INAVA: variants seen among roughly 807,000 people sequenced by gnomAD.
The protein encoded by INAVA is innate immunity activator.
Under a neutral mutation model 55.3 loss-of-function variants are expected in INAVA, and 32 were observed. That is an observed-to-expected ratio of 0.58 (90% confidence interval 0.44 to 0.78). The LOEUF (loss-of-function observed/expected upper bound fraction) is 0.78, where lower values mean the gene tolerates loss of function less well. Ranked by LOEUF, INAVA falls within the 30% of genes least tolerant of loss-of-function variation. The pLI is 0.00. For missense variants in INAVA, 756 were observed against 786.4 expected (o/e 0.96, Z 0.46); for synonymous variants, 294 against 329.4 (o/e 0.89, Z 1.16).
At chr1:200,892,138 C>T (rs1668251222), upstream of INAVA, among the ~76,000 whole-genome samples, 1 of 152,188 alleles carries the variant, frequency 6.6e-6, no homozygotes. Flanking sequence ...AACACCTTTC[C>T]TAGTGAGCAG....
intron 6 of INAVA, chr1:200,908,293 G>C (rs925601002): frequency 4.8e-6 from 1 of 207,446 alleles, no homozygotes; most frequent in African/African-American, 2.3e-5. Flanking sequence ...AGAACCCTGT[G>C]TACAAACCAT....
Position 200,901,211 on chromosome 1 carries a change from G to A in INAVA, c.520+52G>A, listed in dbSNP as rs931971607. 6.3e-6 allele frequency: 9 copies of A among 1,430,606 alleles called. No homozygotes were observed. The African/African-American group carries it at 1.3e-4, about 20-fold the overall frequency. The allele number at this position is 1,430,606 out of a possible 1,614,324, so 88.6% of individuals were successfully genotyped here. On this transcript the variant is annotated intron_variant, in intron 5 of 9. Coordinates refer to ENST00000413687, the MANE Select transcript of INAVA (RefSeq NM_001142569.3). ...ATGCTCCTTAAATGAGCTTTTGAGGGATGGTGGGCGCACAGCCCCGTGCCA... is the reference window on the plus strand; with the variant it reads ...ATGCTCCTTAAATGAGCTTTTGAGGAATGGTGGGCGCACAGCCCCGTGCCA...
intron 2 of INAVA, among the ~76,000 whole-genome samples, chr1:200,898,782 G>A (rs1316719778): frequency 6.6e-6 from 1 of 152,240 alleles, no homozygotes; most frequent in Admixed American, 6.5e-5. Flanking sequence ...GCTCATGCCT[G>A]TAATCCCAGC....
chr1:200,907,266 TA>T (rs1182116994), intron 5 of INAVA, among the ~76,000 whole-genome samples: 11 of 152,156 alleles, frequency 7.2e-5, no homozygotes, highest in Non-Finnish European at 1.6e-4. Context: ...TGAAATGGTT[TA>T]TTCAAGGTTG....
chr1:200,892,992 T>G (rs1668265792), upstream of INAVA, among the ~76,000 whole-genome samples: 1 of 152,228 alleles, frequency 6.6e-6, no homozygotes, highest in Admixed American at 6.5e-5. Context: ...CTGGGTTCAT[T>G]GGCATTAGGC....
intron 1 of INAVA, among the ~76,000 whole-genome samples, chr1:200,897,161 C>A (rs1668371145): frequency 6.6e-6 from 1 of 152,314 alleles, no homozygotes; most frequent in Non-Finnish European, 1.5e-5. Flanking sequence ...GCACCTGTAC[C>A]ACCCAAGTGT....
At chr1:200,901,196 A>C (rs1200144712) in intron 5 of INAVA, 37 bp downstream of exon 5, 3 of 1,456,030 alleles carry the variant, frequency 2.1e-6, no homozygotes, top group Non-Finnish European at 2.7e-6. Flanking sequence ...ATGCTCCTTA[A>C]ATGAGCTTTT....
intron 5 of INAVA, among the ~76,000 whole-genome samples, chr1:200,902,215 A>G (rs1265530305): frequency 6.6e-6 from 1 of 151,442 alleles, no homozygotes; most frequent in Non-Finnish European, 1.5e-5. Flanking sequence ...TGCCAAGACT[A>G]CTCCTCAGCC....
At chr1:200,895,565 C>A (rs573509411) in intron 1 of INAVA, among the ~76,000 whole-genome samples, 3 of 152,068 alleles carry the variant, frequency 2.0e-5, no homozygotes, top group Non-Finnish European at 4.4e-5. Context: ...ACCTGAACTG[C>A]CTTTATCTAA....
upstream of INAVA, chr1:200,894,744 C>A (rs1480287359): frequency 1.2e-5 from 12 of 968,644 alleles, no homozygotes; most frequent in Non-Finnish European, 1.1e-5. Context: ...CCATGGGAGC[C>A]CCTTTTTCCC....
upstream of INAVA, among the ~76,000 whole-genome samples, chr1:200,894,105 T>G (rs1319052560): frequency 2.0e-5 from 3 of 152,174 alleles, no homozygotes; most frequent in Non-Finnish European, 4.4e-5. Context: ...ATGGGAGATC[T>G]TGAGGCTTAT....
chr1:200,900,792 C>A, intron 4 of INAVA, 145 bp from the exon 5 acceptor site: 1 of 586,200 alleles, frequency 1.7e-6, no homozygotes, highest in Non-Finnish European at 2.9e-6. Flanking sequence ...TGCTCCACGT[C>A]CGTCCATTGG....
chr1:200,910,451 T>C (rs1653666043), intron 8 of INAVA, among the ~76,000 whole-genome samples: 1 of 152,226 alleles, frequency 6.6e-6, no homozygotes. Flanking sequence ...GTATTGGCCA[T>C]ACCATATGGG....
rs749915024 is a variant in INAVA, at chr1:200,909,394, T to G, written c.956T>G (p.Leu319Arg). 90 of 1,589,628 alleles carry G rather than the reference T, an allele frequency of 5.7e-5. 2 individuals carry two copies. In the South Asian group the frequency reaches 1.0e-3, roughly 18 times the overall value. Residue 319 changes from leucine to arginine, a missense_variant, in exon 8 of 10, where the codon CTG becomes CGG. Around this residue, in one of 2 missense-constraint regions of INAVA, gnomAD observed 639 missense variants for 624.3 expected, o/e 1.02. Coordinates refer to ENST00000413687, the MANE Select transcript of INAVA (RefSeq NM_001142569.3). ...IQGRRGQSQS[L>R]RVDSFRAGPE... ...GGGAGGAGGGGCCAGTCGCAGTCTC[T>G]GAGGTAAGAGACAGCTTCCCCAGAG... is the stretch of plus-strand genomic sequence containing the variant.
intron 6 of INAVA, chr1:200,908,458 A>G (rs918440351): frequency 2.9e-6 from 1 of 346,718 alleles, no homozygotes; most frequent in Non-Finnish European, 5.2e-6. Context: ...CCAGGAACAA[A>G]GGTTAGAAAG....
rs750717551 is a variant in INAVA at position 200,901,040 on chromosome 1, G to A, written c.401G>A (p.Arg134Gln). The A allele has an allele frequency of 3.2e-5, 49 of 1,547,266 alleles. No homozygotes were observed. Among genetic ancestry groups the A allele is most frequent in the Non-Finnish European group, 3.6e-5 (41 of 1,146,578 alleles). The change falls in exon 5 of 10, where the codon CGG becomes CAG. Residue 134 changes from arginine (R) to glutamine (Q), a missense_variant. Around this residue, in one of 2 missense-constraint regions of INAVA, gnomAD observed 639 missense variants for 624.3 expected, o/e 1.02. Coordinates refer to ENST00000413687, the MANE Select transcript of INAVA (RefSeq NM_001142569.3). ...LEENLSRQAR[R>Q]QRKHSMLQEE... is the part of the protein sequence containing the mutation. The stretch of plus-strand genomic sequence containing the variant: ...GAGAACCTCAGCAGGCAGGCTCGGC[G>A]GCAGCGGAAGCACTCCATGCTGCAG...
Position 200,901,141 on chromosome 1 carries a change from G to A in INAVA, c.502G>A (p.Ala168Thr). ...RRNSEPPPAA[A>T]LPLGRELSAS... ...CAATAGCGAGCCACCTCCGGCTGCTGCTCTCCCCCTGGGCCGAGGTGAGCC... is the reference window on the plus strand; with the variant it reads ...CAATAGCGAGCCACCTCCGGCTGCTACTCTCCCCCTGGGCCGAGGTGAGCC... The change falls in exon 5 of 10, where the codon GCT (alanine) becomes ACT (threonine). Residue 168 changes from alanine (A) to threonine (T), a missense_variant. Ala to Thr is a moderately conservative substitution (Grantham distance 58). Coordinates refer to ENST00000413687, the MANE Select transcript of INAVA (RefSeq NM_001142569.3). 1 of 1,522,692 alleles carries A rather than the reference G, an allele frequency of 6.6e-7. No homozygotes were observed. Among genetic ancestry groups the A allele is most frequent in the Non-Finnish European group, 8.8e-7 (1 of 1,138,418 alleles). The allele number at this position is 1,522,692 out of a possible 1,614,324, so 94.3% of individuals were successfully genotyped here. A position where few individuals can be genotyped will look rare whatever the true frequency, so the allele number is the denominator to read the frequency against.
At chr1:200,906,758 G>A (rs565960612) in intron 5 of INAVA, among the ~76,000 whole-genome samples, 1 of 152,312 alleles carries the variant, frequency 6.6e-6, no homozygotes, top group South Asian at 2.1e-4. Flanking sequence ...GGTAACACAG[G>A]AGGTCTCACA....
chr1:200,913,640 C>A lies in INAVA; in HGVS notation c.*11C>A, dbSNP rs1653838664. 1.2e-6 allele frequency: 2 copies of A among 1,610,094 alleles called. No individual in the cohort carries two copies. Among genetic ancestry groups the A allele is most frequent in the African/African-American group, 2.7e-5 (2 of 74,812 alleles). On this transcript the variant is annotated 3_prime_UTR_variant, in exon 10 of 10. Coordinates refer to ENST00000413687, the MANE Select transcript of INAVA (RefSeq NM_001142569.3). Reference sequence around the variant, plus strand: ...ATCAGCCAGGTGTAACTCTGCGCCCCACGCTGGAAAAAACTGTTTCATAGA... The same window carrying A: ...ATCAGCCAGGTGTAACTCTGCGCCCAACGCTGGAAAAAACTGTTTCATAGA...
Sources: allele counts gnomAD v4.1 joint callset (sites outside exome capture counted in the v4.1 genomes callset), GRCh38; gene constraint gnomAD v4.1.1; regional missense constraint gnomAD v4.1.1; transcripts MANE v1.5; gene names NCBI Gene and HGNC (gene_info 2026-07-23, HGNC 2026-07-21).